Variants in CDH12 observed in about 807,000 individuals in gnomAD.
The protein encoded by CDH12 is cadherin-12.
Under a neutral mutation model 74.1 loss-of-function variants are expected in CDH12, and 41 were observed. That is an observed-to-expected ratio of 0.55 (90% CI 0.43 to 0.72). The LOEUF is 0.72. Among genes scored for constraint, CDH12 ranks in the 30% least tolerant of loss-of-function variants. CDH12 has a pLI of 0.00. For missense variants in CDH12, 945 were observed against 977.2 expected (o/e 0.97, Z 0.44); for synonymous variants, 399 against 355.0 (o/e 1.12, Z -1.39).
chr5:22,587,853 T>C (rs1194251554), intron 1 of CDH12, among the ~76,000 whole-genome samples: 1 of 149,710 alleles, frequency 6.7e-6, no homozygotes, highest in Non-Finnish European at 1.5e-5. Context: ...TGGAGATATA[T>C]ATATATATAT....
chr5:21,880,567 CTTTCTTT>C (rs1752221369), intron 6 of CDH12, among the ~76,000 whole-genome samples: 6 of 12,180 alleles, frequency 4.9e-4, no homozygotes, highest in African/African-American at 8.3e-4. Context: ...TCCTTCCCTT[CTTTCTTT>C]CCTTCCTTCC....
At chr5:22,048,717 A>C (rs1367389678) in intron 5 of CDH12, among the ~76,000 whole-genome samples, 2 of 152,196 alleles carry the variant, frequency 1.3e-5, no homozygotes, top group African/African-American at 2.4e-5. Context: ...AACATATATT[A>C]TCATATGCAA....
intron 1 of CDH12, among the ~76,000 whole-genome samples, chr5:22,776,687 T>C (rs1219193075): frequency 6.6e-6 from 1 of 152,208 alleles, no homozygotes; most frequent in Non-Finnish European, 1.5e-5. Flanking sequence ...AAGACGAGTG[T>C]ATTTAAAATC....
At position 21,751,861 on chromosome 5, in the gene CDH12, A is replaced by G. The variant is rs1744092639; in HGVS notation, c.2261T>C (p.Ile754Thr). 2 of 1,614,026 alleles carry G rather than the reference A, an allele frequency of 1.2e-6. No homozygotes were observed. The highest frequency in any genetic ancestry group is 1.1e-5 in the South Asian group (1 of 91,082). ...SGSVAESLSSIDSLTTEADQD... is the reference protein window; with the variant it reads ...SGSVAESLSSTDSLTTEADQD... ...GTCGGCTTCTGTGGTGAGAGAGTCT[A>G]TAGAGCTGAGGGACTCTGCCACGGA... The change falls in exon 15 of 15, where the codon ATA becomes ACA. Residue 754 changes from isoleucine (I) to threonine (T), a missense_variant. Around this residue, in one of 3 missense-constraint regions of CDH12, gnomAD observed 791 missense variants for 792.8 expected, o/e 1.00. Transcript: ENST00000382254.
chr5:22,567,919 T>C (rs1393693784), intron 1 of CDH12, among the ~76,000 whole-genome samples: 2 of 152,230 alleles, frequency 1.3e-5, no homozygotes, highest in African/African-American at 4.8e-5. Context: ...AATCCCAGTG[T>C]GTACCTATGG....
At chr5:22,181,385 T>C (rs1394229582) in intron 4 of CDH12, among the ~76,000 whole-genome samples, 1 of 152,102 alleles carries the variant, frequency 6.6e-6, no homozygotes, top group Non-Finnish European at 1.5e-5. Context: ...CCATCCTCCT[T>C]TACAGTCTCC....
At chr5:22,417,060 T>G (rs2126486707) in intron 2 of CDH12, among the ~76,000 whole-genome samples, 1 of 152,332 alleles carries the variant, frequency 6.6e-6, no homozygotes, top group Admixed American at 6.5e-5. Flanking sequence ...TTTTCATTCT[T>G]TTGATTCTTT....
At chr5:21,910,689 T>A (rs1753824733) in intron 6 of CDH12, among the ~76,000 whole-genome samples, 1 of 151,264 alleles carries the variant, frequency 6.6e-6, no homozygotes, top group African/African-American at 2.4e-5. Context: ...TTTTTTTTTT[T>A]AATCAAAAGA....
intron 4 of CDH12, among the ~76,000 whole-genome samples, chr5:22,187,172 G>A (rs1186204101): frequency 6.6e-6 from 1 of 152,170 alleles, no homozygotes; most frequent in African/African-American, 2.4e-5. Context: ...GCACATATGA[G>A]GTCCCCTAGG....
At chr5:22,682,446 C>T (rs1741542604) in intron 1 of CDH12, among the ~76,000 whole-genome samples, 1 of 152,000 alleles carries the variant, frequency 6.6e-6, no homozygotes, top group African/African-American at 2.4e-5. Context: ...AAAGGGTAGA[C>T]AGGATACAAC....
intron 1 of CDH12, among the ~76,000 whole-genome samples, chr5:22,841,190 T>A (rs1737066079): frequency 6.6e-6 from 1 of 152,156 alleles, no homozygotes; most frequent in African/African-American, 2.4e-5. Flanking sequence ...ACGGGAGTCA[T>A]GGTGACAAGA....
rs140295966 is a variant in CDH12 at position 22,608,666 on chromosome 5, A to C, written c.-522-103302T>G. Among the ~76,000 whole-genome samples the C allele has an allele frequency of 3.3e-5, 5 of 152,276 alleles. No individual in the cohort carries two copies. In the East Asian group the frequency reaches 7.7e-4, roughly 24 times the overall value. ...ACAAATCTCACTTTGAATTGTAACA[A>C]TTCCCATGTGTCATGGGTGGGAGCA... On this transcript the variant is annotated intron_variant, in intron 1 of 14. Transcript: ENST00000382254.
chr5:22,824,497 G>A (rs13358350), intron 1 of CDH12, among the ~76,000 whole-genome samples: 64 of 152,200 alleles, frequency 4.2e-4, no homozygotes, highest in African/African-American at 1.4e-3. Context: ...AATCCAATAT[G>A]ATCAGTAGTG....
chr5:21,850,499 T>C (rs995768541), intron 7 of CDH12, among the ~76,000 whole-genome samples: 11 of 151,658 alleles, frequency 7.3e-5, no homozygotes, highest in East Asian at 1.9e-4. Flanking sequence ...TATAGTATCA[T>C]AAAGTGTTAG....
chr5:22,427,841 G>A (rs2126512996), intron 2 of CDH12, among the ~76,000 whole-genome samples: 1 of 152,202 alleles, frequency 6.6e-6, no homozygotes, highest in South Asian at 2.1e-4. Flanking sequence ...GGACACATCT[G>A]CTTTCTTTCC....
At chr5:22,704,747 A>AT (rs1034584903) in intron 1 of CDH12, among the ~76,000 whole-genome samples, 6 of 151,960 alleles carry the variant, frequency 3.9e-5, no homozygotes, top group African/African-American at 7.2e-5. Flanking sequence ...ATAAACCTCA[A>AT]TTTTTTAGGC....
At chr5:22,830,710 T>C (rs1736564369) in intron 1 of CDH12, among the ~76,000 whole-genome samples, 1 of 151,868 alleles carries the variant, frequency 6.6e-6, no homozygotes, top group South Asian at 2.1e-4. Flanking sequence ...GAATTGAATT[T>C]CATGTAAAAC....
chr5:21,881,924 G>A (rs6452018), intron 6 of CDH12, among the ~76,000 whole-genome samples: 112,114 of 152,088 alleles, frequency 0.74, 45,581 homozygotes, highest in Non-Finnish European at 0.9. Context: ...CTCTGCAAAA[G>A]TGAGAAGAAA....
intron 2 of CDH12, among the ~76,000 whole-genome samples, chr5:22,478,553 G>A (rs956803735): frequency 6.6e-6 from 1 of 151,580 alleles, no homozygotes; most frequent in Non-Finnish European, 1.5e-5. Flanking sequence ...TGTTCAAGTA[G>A]AGAAGTAAAA....
Sources: gnomAD v4.1 joint callset for allele counts (sites outside exome capture counted in the v4.1 genomes callset) on GRCh38, gnomAD v4.1.1 for gene constraint, gnomAD v4.1.1 regional missense constraint, MANE v1.5 for transcripts, NCBI Gene and HGNC (gene_info 2026-07-23, HGNC 2026-07-21) for gene names.